The following MYRIP variants were observed in gnomAD, a reference collection of about 807,000 sequenced individuals.
MYRIP encodes the protein myosin VIIA and Rab interacting protein.
In MYRIP, 49 loss-of-function variants were observed where a neutral mutation model predicts 98.0. The observed-to-expected ratio is 0.50, with a 90% CI of 0.40 to 0.63. The LOEUF (loss-of-function observed/expected upper bound fraction) is 0.63, where lower values mean the gene tolerates loss of function less well. MYRIP is among the 30% of genes least tolerant of loss of function. The pLI, the probability that MYRIP is intolerant of heterozygous loss-of-function variation, is 0.00. For missense variants in MYRIP, 1,004 were observed against 1,058.2 expected, an observed-to-expected ratio of 0.95 and a Z score of 0.71; for synonymous variants, 404 against 409.5, an observed-to-expected ratio of 0.99 and a Z score of 0.16.
At chr3:40,078,783 T>G (rs1194198283) in intron 3 of MYRIP, among the ~76,000 whole-genome samples, 1 of 152,194 alleles carries the variant, frequency 6.6e-6, no homozygotes, top group African/African-American at 2.4e-5. Flanking sequence ...TGCCAAGAAT[T>G]GGCTTGTGCT....
At position 39,875,012 on chromosome 3, in the gene MYRIP, T is replaced by G. The variant is rs192201688; in HGVS notation, c.-30-25775T>G. On this transcript the variant is annotated intron_variant, in intron 1 of 16. Transcript: ENST00000302541. ...GGTAAGCTATTGATTATTGCCACAA[T>G]TTCGGATACTGTTATTGGTCTATTC... is the stretch of plus-strand genomic sequence containing the variant. Among the ~76,000 whole-genome samples the G allele has an allele frequency of 1.8e-3, 277 of 152,278 alleles. 2 individuals are homozygous for G. Among genetic ancestry groups the G allele is most frequent in the African/African-American group, 6.3e-3 (263 of 41,558 alleles).
intron 2 of MYRIP, among the ~76,000 whole-genome samples, chr3:39,972,564 G>T (rs1459658051): frequency 2.6e-5 from 4 of 152,036 alleles, no homozygotes; most frequent in Non-Finnish European, 5.9e-5. Context: ...AGTCTAAAAA[G>T]TATCAAACCC....
chr3:40,174,112 C>T (rs1950691795), intron 8 of MYRIP: 1 of 152,198 alleles, frequency 6.6e-6, no homozygotes, highest in South Asian at 2.1e-4. Flanking sequence ...AACCGTGTGG[C>T]TGTAGTTTGG....
At chr3:40,065,002 G>A (rs370134348) in intron 3 of MYRIP, among the ~76,000 whole-genome samples, 13 of 152,174 alleles carry the variant, frequency 8.5e-5, no homozygotes, top group African/African-American at 3.1e-4. Flanking sequence ...CATTTCTTAG[G>A]GTTTCCATAA....
chr3:40,258,118 C>G lies in MYRIP; in HGVS notation c.2548-16C>G, dbSNP rs544289910. 2 of 1,614,140 alleles carry G rather than the reference C, an allele frequency of 1.2e-6. No individual in the cohort carries two copies. Among genetic ancestry groups the G allele is most frequent in the East Asian group, 4.5e-5 (2 of 44,890 alleles). On this transcript the variant is annotated splice_polypyrimidine_tract_variant and intron_variant, in intron 16 of 16. Coordinates refer to ENST00000302541, the MANE Select transcript of MYRIP (RefSeq NM_015460.4). ...CCCAAGTGGCTGATGGGAGTGTGTT[C>G]AATGTCTCACCTCAGGAGCCTGCTC...
At chr3:39,821,517 T>C (rs945752682) in intron 1 of MYRIP, among the ~76,000 whole-genome samples, 6 of 152,144 alleles carry the variant, frequency 3.9e-5, no homozygotes, top group African/African-American at 9.7e-5. Flanking sequence ...GGGTTTTTTT[T>C]CTCTAATCTC....
chr3:40,029,308 C>G (rs932021739), intron 2 of MYRIP, among the ~76,000 whole-genome samples: 3 of 152,156 alleles, frequency 2.0e-5, no homozygotes, highest in African/African-American at 7.2e-5. Flanking sequence ...ATATATTTTA[C>G]CCCATAGAAT....
intron 16 of MYRIP, among the ~76,000 whole-genome samples, chr3:40,256,577 G>A (rs1379775542): frequency 6.6e-6 from 1 of 150,650 alleles, no homozygotes; most frequent in South Asian, 2.1e-4. Context: ...CTGCAAACTA[G>A]ATTATATAAA....
intron 2 of MYRIP, among the ~76,000 whole-genome samples, chr3:39,974,167 G>A (rs767616478): frequency 1.2e-5 from 1 of 85,182 alleles, no homozygotes; most frequent in Non-Finnish European, 3.5e-5. Flanking sequence ...GACTAATAAA[G>A]AAGATAAAAG....
chr3:40,212,533 C>T lies in MYRIP; in HGVS notation c.1905+2440C>T, dbSNP rs1575639995. Among the ~76,000 whole-genome samples, 5 of 152,168 alleles carry T rather than the reference C, an allele frequency of 3.3e-5. No homozygotes were observed. In the South Asian group the frequency reaches 6.2e-4, roughly 19 times the overall value. ...CCCATAATCCCAGCACTTTGGGAGG[C>T]CAAGGCAGGCAGATCGCTTGAGCCT... On this transcript the variant is annotated intron_variant, in intron 11 of 16. Coordinates refer to ENST00000302541, the MANE Select transcript of MYRIP (RefSeq NM_015460.4).
chr3:39,996,061 C>T (rs1946344435), intron 2 of MYRIP, among the ~76,000 whole-genome samples: 2 of 152,180 alleles, frequency 1.3e-5, no homozygotes, highest in South Asian at 4.1e-4. Context: ...ACAACCGGTA[C>T]CAGCCACTGC....
chr3:40,257,414 C>G (rs1377204224), intron 16 of MYRIP, among the ~76,000 whole-genome samples: 1 of 152,156 alleles, frequency 6.6e-6, no homozygotes. Context: ...CTGGAGATTG[C>G]AGTTTTTTGA....
chr3:40,156,258 C>A (rs1950235562), intron 4 of MYRIP, among the ~76,000 whole-genome samples: 1 of 151,948 alleles, frequency 6.6e-6, no homozygotes, highest in Non-Finnish European at 1.5e-5. Context: ...GAATCCTTTC[C>A]CTATTGCTTG....
chr3:39,969,555 C>T (rs1339243363), intron 2 of MYRIP, among the ~76,000 whole-genome samples: 1 of 151,972 alleles, frequency 6.6e-6, no homozygotes, highest in Non-Finnish European at 1.5e-5. Context: ...TTATTGAAAG[C>T]TTTTTCTGGG....
intron 1 of MYRIP, among the ~76,000 whole-genome samples, chr3:39,871,293 G>A (rs1942781196): frequency 6.6e-6 from 1 of 152,204 alleles, no homozygotes; most frequent in East Asian, 1.9e-4. Context: ...TTGCAATTTG[G>A]AATGCCAGTC....
chr3:40,132,058 T>C (rs1453644651), intron 3 of MYRIP, among the ~76,000 whole-genome samples: 1 of 152,160 alleles, frequency 6.6e-6, no homozygotes, highest in South Asian at 2.1e-4. Flanking sequence ...TGTGCTTATA[T>C]CATTTTTTAA....
chr3:40,049,537 G>A (rs373746361), intron 3 of MYRIP, among the ~76,000 whole-genome samples: 7 of 151,576 alleles, frequency 4.6e-5, no homozygotes, highest in Non-Finnish European at 7.4e-5. Context: ...GGTGGTTCTC[G>A]CATCTCTCTC....
Position 39,900,804 on chromosome 3 carries a change from G to T in MYRIP, c.-13G>T. 1 of 1,606,266 alleles carries T rather than the reference G, an allele frequency of 6.2e-7. No homozygotes were observed. The stretch of plus-strand genomic sequence containing the variant: ...TTTCCCAGGTCTTGTTTCATCATCT[G>T]TGTTGAGTAACCATGGGGAGGAAGC... On this transcript the variant is annotated 5_prime_UTR_variant, in exon 2 of 17. Transcript: ENST00000302541.
At chr3:40,051,494 G>T (rs965890203) in intron 3 of MYRIP, among the ~76,000 whole-genome samples, 1 of 152,120 alleles carries the variant, frequency 6.6e-6, no homozygotes, top group South Asian at 2.1e-4. Flanking sequence ...ATAGACTACA[G>T]TATAGTCTAT....
Sources: gnomAD v4.1 joint callset for allele counts (sites outside exome capture counted in the v4.1 genomes callset) on GRCh38, gnomAD v4.1.1 for gene constraint, MANE v1.5 for transcripts, NCBI Gene and HGNC (gene_info 2026-07-23, HGNC 2026-07-21) for gene names.